TMEM132D: variants seen among roughly 807,000 people sequenced by gnomAD.
TMEM132D encodes the protein transmembrane protein 132D, also known as mature OL transmembrane protein.
In TMEM132D, 21 loss-of-function variants were observed where a neutral mutation model predicts 62.3. The observed-to-expected ratio is 0.34, with a 90% CI of 0.24 to 0.49. The LOEUF (loss-of-function observed/expected upper bound fraction) is 0.49, where lower values mean the gene tolerates loss of function less well. Ranked by LOEUF, TMEM132D falls within the 20% of genes least tolerant of loss-of-function variation. The pLI is 0.99. For synonymous variants in TMEM132D, 621 were observed against 575.6 expected (o/e 1.08, Z -1.13); for missense variants, 1,346 against 1,402.8 (o/e 0.96, Z 0.65).
intron 1 of TMEM132D, among the ~76,000 whole-genome samples, chr12:129,747,418 TCA>T (rs746401132): frequency 6.8e-5 from 10 of 146,882 alleles, no homozygotes; most frequent in East Asian, 2.0e-4. Context: ...ACACACATTC[TCA>T]CACACACAGA....
At chr12:129,477,451 A>C (rs930738928) in intron 3 of TMEM132D, among the ~76,000 whole-genome samples, 1 of 152,226 alleles carries the variant, frequency 6.6e-6, no homozygotes, top group Non-Finnish European at 1.5e-5. Context: ...CTTGGTCTCC[A>C]TGCTCTATTC....
chr12:129,819,693 C>T (rs777951948), intron 1 of TMEM132D, among the ~76,000 whole-genome samples: 75 of 152,160 alleles, frequency 4.9e-4, no homozygotes, highest in Non-Finnish European at 9.4e-4. Context: ...GTGCCTGGCA[C>T]GTAGTTAGTG....
chr12:129,152,682 G>A (rs1054010315), intron 5 of TMEM132D, among the ~76,000 whole-genome samples: 1 of 152,144 alleles, frequency 6.6e-6, no homozygotes, highest in Non-Finnish European at 1.5e-5. Context: ...GTGGGCCTGG[G>A]TGTAGGCTTG....
chr12:129,640,811 C>T (rs902685896), intron 2 of TMEM132D, among the ~76,000 whole-genome samples: 30 of 152,256 alleles, frequency 2.0e-4, no homozygotes, highest in Admixed American at 3.9e-4. Context: ...CACTCCCCAA[C>T]GCTCACATTA....
chr12:129,356,596 C>G (rs1165723425), intron 3 of TMEM132D, among the ~76,000 whole-genome samples: 7 of 150,810 alleles, frequency 4.6e-5, no homozygotes, highest in Admixed American at 4.6e-4. Flanking sequence ...GGCGGGAGGG[C>G]TGCTTGACCC....
At chr12:129,492,648 C>T (rs1874831105) in intron 3 of TMEM132D, among the ~76,000 whole-genome samples, 1 of 152,194 alleles carries the variant, frequency 6.6e-6, no homozygotes, top group Admixed American at 6.5e-5. Flanking sequence ...CAAAAGTTGA[C>T]TTTAGTAATG....
intron 2 of TMEM132D, among the ~76,000 whole-genome samples, chr12:129,679,856 T>C (rs1483622743): frequency 6.6e-6 from 1 of 152,194 alleles, no homozygotes; most frequent in African/African-American, 2.4e-5. Context: ...CTTATATGCT[T>C]TGCAGTTCTT....
At position 129,273,483 on chromosome 12, in the gene TMEM132D, A is replaced by G. The variant is rs929310047; in HGVS notation, c.1300-63820T>C. ...CATGAACTCATACGTTCACTGCAGC[A>G]CTACTCACAATAGCAAAGAGGTGGA... On this transcript the variant is annotated intron_variant, in intron 4 of 8. Transcript: ENST00000422113. Among the ~76,000 whole-genome samples, 4 of 151,028 alleles carry G rather than the reference A, an allele frequency of 2.6e-5. No individual in the cohort carries two copies. The East Asian group carries it at 7.8e-4, about 29-fold the overall frequency.
chr12:129,515,079 G>A (rs1875632484), intron 3 of TMEM132D, among the ~76,000 whole-genome samples: 1 of 152,134 alleles, frequency 6.6e-6, no homozygotes, highest in Non-Finnish European at 1.5e-5. Context: ...CAGAGCCCCA[G>A]TTCAGCATAT....
intron 3 of TMEM132D, among the ~76,000 whole-genome samples, chr12:129,413,540 G>A (rs1015169471): frequency 2.0e-5 from 3 of 152,182 alleles, no homozygotes; most frequent in Non-Finnish European, 2.9e-5. Flanking sequence ...GGATTTGGGG[G>A]ATGGTGTGAT....
intron 1 of TMEM132D, among the ~76,000 whole-genome samples, chr12:129,772,391 C>T (rs1035691244): frequency 1.3e-5 from 2 of 152,056 alleles, no homozygotes; most frequent in Non-Finnish European, 2.9e-5. Flanking sequence ...AAATTTAAGT[C>T]ATTTAAATGG....
Position 129,396,122 on chromosome 12 carries a change from T to C in TMEM132D, c.1116-58305A>G, listed in dbSNP as rs1418119492. On this transcript the variant is annotated intron_variant, in intron 3 of 8. Transcript: ENST00000422113. ...ATAGGTATGTCTTGGTATGAATAAA[T>C]CTCAAAACCAAATTCAATAAAAAAT... is the stretch of plus-strand genomic sequence containing the variant. Among the ~76,000 whole-genome samples the C allele has an allele frequency of 2.7e-5, 4 of 150,914 alleles. No individual in the cohort carries two copies. In the East Asian group the frequency reaches 7.7e-4, roughly 29 times the overall value.
chr12:129,853,256 C>A (rs573656835), intron 1 of TMEM132D: 2 of 152,192 alleles, frequency 1.3e-5, no homozygotes, highest in East Asian at 3.8e-4. Context: ...CTTCAGAAAT[C>A]GATGATGTTT....
intron 5 of TMEM132D, among the ~76,000 whole-genome samples, chr12:129,092,218 T>C (rs570868223): frequency 6.6e-6 from 1 of 152,316 alleles, no homozygotes; most frequent in Non-Finnish European, 1.5e-5. Context: ...CCTTCTTTTC[T>C]GTTTAAATGC....
chr12:129,800,165 C>A (rs1871718959), intron 1 of TMEM132D, among the ~76,000 whole-genome samples: 1 of 152,056 alleles, frequency 6.6e-6, no homozygotes, highest in Non-Finnish European at 1.5e-5. Flanking sequence ...TAATCTGTAG[C>A]TGTATTGGAA....
intron 1 of TMEM132D, among the ~76,000 whole-genome samples, chr12:129,774,838 G>A (rs1470540556): frequency 6.6e-6 from 1 of 152,194 alleles, no homozygotes; most frequent in Non-Finnish European, 1.5e-5. Flanking sequence ...ATTCTAACCA[G>A]TCTACCGCTT....
intron 5 of TMEM132D, among the ~76,000 whole-genome samples, chr12:129,155,479 T>A (rs1443556429): frequency 5.9e-5 from 9 of 152,270 alleles, no homozygotes; most frequent in Non-Finnish European, 1.0e-4. Context: ...AGAGTCATTA[T>A]CATTCTTCCT....
chr12:129,636,176 C>T (rs919921462), intron 2 of TMEM132D, among the ~76,000 whole-genome samples: 11 of 152,298 alleles, frequency 7.2e-5, no homozygotes, highest in East Asian at 5.8e-4. Context: ...AGGTGCCAGA[C>T]TCTCAGCTAA....
chr12:129,605,589 A>ATATATATATATATATATATATATATATC (rs1209037649), intron 2 of TMEM132D, among the ~76,000 whole-genome samples: 3 of 58,824 alleles, frequency 5.1e-5, no homozygotes, highest in Admixed American at 4.4e-4. Context: ...ATTAGGCATT[A>ATATATATATATATATATATATATATATC]TATATATATA....
Sources: allele counts gnomAD v4.1 joint callset (sites outside exome capture counted in the v4.1 genomes callset), GRCh38; gene constraint gnomAD v4.1.1; transcripts MANE v1.5; gene names NCBI Gene and HGNC (gene_info 2026-07-23, HGNC 2026-07-21).